The following CHODL variants were observed in gnomAD, a reference collection of about 807,000 sequenced individuals.
CHODL encodes the protein transmembrane protein MT75.
Under a neutral mutation model 34.5 loss-of-function variants are expected in CHODL, and 29 were observed. That is an observed-to-expected ratio of 0.84 (90% confidence interval 0.63 to 1.15). The LOEUF (loss-of-function observed/expected upper bound fraction) is 1.15. Ranked by LOEUF, CHODL falls within the 50% of genes most tolerant of loss-of-function variation. The probability of loss-of-function intolerance (pLI) is 0.00; values close to 1 mark genes in which losing one functional copy is unlikely to be tolerated. For synonymous variants in CHODL, 125 were observed against 116.1 expected, an observed-to-expected ratio of 1.08 and a Z score of -0.49; for missense variants, 332 against 332.5, an observed-to-expected ratio of 1.00 and a Z score of 0.01.
chr21:18,031,980 A>G (rs1489323461), intron 2 of CHODL, among the ~76,000 whole-genome samples: 1 of 152,096 alleles, frequency 6.6e-6, no homozygotes, highest in Admixed American at 6.6e-5. Flanking sequence ...CTGCCTGTGA[A>G]TAGACACTAA....
At chr21:18,106,552 G>A (rs1276234278) in intron 2 of CHODL, among the ~76,000 whole-genome samples, 1 of 146,574 alleles carries the variant, frequency 6.8e-6, no homozygotes, top group African/African-American at 2.6e-5. Context: ...CTGGAGTGCA[G>A]TGGCTTGATC....
At chr21:18,148,361 C>T (rs1467314607) in intron 2 of CHODL, among the ~76,000 whole-genome samples, 1 of 152,116 alleles carries the variant, frequency 6.6e-6, no homozygotes. Flanking sequence ...TAACTAAACA[C>T]TTCTTTCAAA....
intron 1 of CHODL, among the ~76,000 whole-genome samples, chr21:17,983,572 G>A (rs1405940529): frequency 1.3e-5 from 2 of 151,958 alleles, no homozygotes; most frequent in East Asian, 3.9e-4. Context: ...TTGTTAATCA[G>A]GTAGTCAAAA....
In CHODL at chr21:18,245,317, G is replaced by C; in HGVS notation, c.79+15G>C. On this transcript the variant is annotated intron_variant, in intron 1 of 5. Coordinates refer to ENST00000299295, the MANE Select transcript of CHODL (RefSeq NM_024944.3). ...CGTGGTCAGCGGTGAGTCAGGGGCC[G>C]TCTCCCCGAAGAACGAGCGGGGAGA... 2 of 1,513,408 alleles carry C rather than the reference G, an allele frequency of 1.3e-6. No homozygotes were observed. The highest frequency in any genetic ancestry group is 1.8e-6 in the Non-Finnish European group (2 of 1,135,950). The allele number at this position is 1,513,408 out of a possible 1,614,324, so 93.7% of individuals were successfully genotyped here. A position where few individuals can be genotyped will look rare whatever the true frequency, so the allele number is the denominator to read the frequency against.
chr21:17,940,168 A>C (rs956851922), intron 1 of CHODL, among the ~76,000 whole-genome samples: 4 of 152,202 alleles, frequency 2.6e-5, no homozygotes, highest in African/African-American at 9.6e-5. Flanking sequence ...GAGCAAACTC[A>C]ATGTTTCAGG....
intron 2 of CHODL, among the ~76,000 whole-genome samples, chr21:18,143,201 T>G (rs2072823518): frequency 6.6e-6 from 1 of 152,184 alleles, no homozygotes; most frequent in Non-Finnish European, 1.5e-5. Flanking sequence ...GGAGCATATT[T>G]TCCAGGTTAA....
chr21:17,932,269 C>G (rs145802195), intron 1 of CHODL, among the ~76,000 whole-genome samples: 1 of 152,268 alleles, frequency 6.6e-6, no homozygotes, highest in African/African-American at 2.4e-5. Flanking sequence ...CATCTCACAT[C>G]AGTCAGAATG....
intron 2 of CHODL, among the ~76,000 whole-genome samples, chr21:18,064,149 TGTCATATCCATAA>T (rs1257301952): frequency 1.3e-5 from 2 of 152,200 alleles, no homozygotes; most frequent in African/African-American, 4.8e-5. Context: ...TTTTAAATTG[TGTCATATCCATAA>T]GTCATACCCT....
At chr21:18,199,343 T>G (rs540860952) in intron 2 of CHODL, among the ~76,000 whole-genome samples, 64 of 152,230 alleles carry the variant, frequency 4.2e-4, no homozygotes, top group African/African-American at 1.4e-3. Context: ...AGTTTTAGAT[T>G]TATGGAAAAT....
At chr21:17,951,601 T>A (rs1378174319) in intron 1 of CHODL, among the ~76,000 whole-genome samples, 1 of 152,190 alleles carries the variant, frequency 6.6e-6, no homozygotes, top group African/African-American at 2.4e-5. Flanking sequence ...ATTAAAAAAT[T>A]CATAGGGTAA....
At chr21:17,999,352 C>T (rs1198031119) in intron 1 of CHODL, among the ~76,000 whole-genome samples, 1 of 152,202 alleles carries the variant, frequency 6.6e-6, no homozygotes, top group African/African-American at 2.4e-5. Flanking sequence ...CTGTCTGCTT[C>T]TCAGCTCTCC....
At chr21:18,146,493 C>T (rs2072891231) in intron 2 of CHODL, among the ~76,000 whole-genome samples, 1 of 152,024 alleles carries the variant, frequency 6.6e-6, no homozygotes, top group East Asian at 1.9e-4. Context: ...CTGATGGCTT[C>T]ATAATGGCCT....
intron 2 of CHODL, among the ~76,000 whole-genome samples, chr21:18,045,565 C>T (rs575395245): frequency 6.6e-6 from 1 of 151,906 alleles, no homozygotes. Context: ...AAAGCATGGC[C>T]CTGTGACACC....
In CHODL at chr21:17,920,271, G is replaced by A. The variant is rs149284894; in HGVS notation, c.-145+2871G>A. On this transcript the variant is annotated intron_variant, in intron 1 of 6. Transcript: ENST00000400127. ...TTCTGATAAAGACATACCCAAGACT[G>A]GGCAATTTACAAAAGAAAGAAGTTT... is the stretch of plus-strand genomic sequence containing the variant. 8.0e-3 allele frequency among the ~76,000 whole-genome samples: 1,220 copies of A among 152,244 alleles called. 18 individuals carry two copies. Among genetic ancestry groups the A allele is most frequent in the African/African-American group, 0.027 (1,122 of 41,540 alleles).
At chr21:17,993,365 C>T (rs188601288) in intron 1 of CHODL, among the ~76,000 whole-genome samples, 82 of 152,248 alleles carry the variant, frequency 5.4e-4, no homozygotes, top group African/African-American at 1.9e-3. Flanking sequence ...CTTCTCCCTC[C>T]TCTCACCCAT....
intron 2 of CHODL, among the ~76,000 whole-genome samples, chr21:18,157,444 G>C (rs182452720): frequency 6.6e-6 from 1 of 152,152 alleles, no homozygotes; most frequent in East Asian, 1.9e-4. Flanking sequence ...ATTGAAAAGT[G>C]CAATGACACT....
chr21:18,206,082 C>T (rs762493611), intron 2 of CHODL, among the ~76,000 whole-genome samples: 26 of 152,224 alleles, frequency 1.7e-4, no homozygotes, highest in Non-Finnish European at 2.6e-4. Context: ...ATAATACATG[C>T]GCTGAAGAGA....
chr21:18,188,274 GTTTTA>G (rs2146686821), intron 2 of CHODL, among the ~76,000 whole-genome samples: 1 of 151,992 alleles, frequency 6.6e-6, no homozygotes, highest in African/African-American at 2.4e-5. Context: ...TTTTTACCCT[GTTTTA>G]TTTAATTCAT....
rs750911944 is a variant in CHODL, at chr21:17,992,583, G to GT, written c.-144-35289_-144-35288insT. 1.5e-3 allele frequency among the ~76,000 whole-genome samples: 222 copies of GT among 152,136 alleles called. 1 individual carries two copies. The highest frequency in any genetic ancestry group is 1.4e-3 in the Non-Finnish European group (96 of 68,000). On this transcript the variant is annotated intron_variant, in intron 1 of 6. Coordinates refer to the CHODL transcript ENST00000400127. ...TTATTTTTGTACCTACTGTAAATGGGATTGCTTTCTTGATGTCTTTTTTTA... is the reference window on the plus strand; with the variant it reads ...TTATTTTTGTACCTACTGTAAATGGGTATTGCTTTCTTGATGTCTTTTTTTA...
Sources: gnomAD v4.1 joint callset for allele counts (sites outside exome capture counted in the v4.1 genomes callset) on GRCh38, gnomAD v4.1.1 for gene constraint, MANE v1.5 for transcripts, NCBI Gene and HGNC (gene_info 2026-07-23, HGNC 2026-07-21) for gene names.